Variants in DRC9 observed in about 807,000 individuals in gnomAD.
The protein encoded by DRC9 is dynein regulatory complex subunit 9.
chr3:197,953,388 T>G, the DRC9 span: 1 of 455,730 alleles, frequency 2.2e-6, no homozygotes, highest in East Asian at 6.9e-5. Context: ...AAAGGAAATA[T>G]ATATAAAGTC....
At chr3:197,955,735 CTT>C in the DRC9 span, 1 of 1,597,354 alleles carries the variant, frequency 6.3e-7, no homozygotes, top group South Asian at 1.1e-5. Context: ...GTTTTGTGTT[CTT>C]TTTTCCCTGC....
the DRC9 span, chr3:197,891,401 C>A: frequency 1.0e-6 from 1 of 990,986 alleles, no homozygotes; most frequent in South Asian, 1.3e-5. Context: ...TTGTGTTCCT[C>A]AGTGTTAAGC....
chr3:197,896,113 C>T, the DRC9 span, among the ~76,000 whole-genome samples: 1 of 150,062 alleles, frequency 6.7e-6, no homozygotes, highest in Non-Finnish European at 1.5e-5. Flanking sequence ...GAGGCCAAGG[C>T]GGGCAGATCA....
chr3:197,955,715 T>TTA, the DRC9 span: 1 of 1,559,800 alleles, frequency 6.4e-7, no homozygotes, highest in East Asian at 2.2e-5. Flanking sequence ...ATATATAACA[T>TTA]TCACCTAATG....
the DRC9 span, among the ~76,000 whole-genome samples, chr3:197,934,237 T>G: frequency 1.5e-5 from 2 of 137,142 alleles, no homozygotes; most frequent in Non-Finnish European, 3.0e-5. Flanking sequence ...CAGGCTGGAG[T>G]GCAGTGGCAC....
chr3:197,912,518 T>C, the DRC9 span: 3 of 637,174 alleles, frequency 4.7e-6, no homozygotes, highest in Admixed American at 2.6e-5. Context: ...ATATAAGATA[T>C]CTATTCAGAT....
At chr3:197,915,178 A>G in the DRC9 span, among the ~76,000 whole-genome samples, 8 of 149,332 alleles carry the variant, frequency 5.4e-5, no homozygotes, top group South Asian at 6.3e-4. Context: ...AAAAAAAAAA[A>G]AAAGAAAAGA....
At chr3:197,957,313 C>A in the DRC9 span, 2 of 152,268 alleles carry the variant, frequency 1.3e-5, no homozygotes, top group Non-Finnish European at 2.9e-5. Flanking sequence ...CCCAGAGGTC[C>A]CTCTGTCACA....
chr3:197,944,943 C>T, the DRC9 span, among the ~76,000 whole-genome samples: 1 of 152,126 alleles, frequency 6.6e-6, no homozygotes, highest in Non-Finnish European at 1.5e-5. Flanking sequence ...TGAATTTGAG[C>T]CAAAATTAAC....
chr3:197,936,245 T>C, the DRC9 span, among the ~76,000 whole-genome samples: 4 of 152,208 alleles, frequency 2.6e-5, no homozygotes, highest in Non-Finnish European at 4.4e-5. Context: ...TAATTATTAA[T>C]TCAATGCAAT....
the DRC9 span, among the ~76,000 whole-genome samples, chr3:197,954,687 A>G: frequency 6.6e-6 from 1 of 151,870 alleles, no homozygotes; most frequent in African/African-American, 2.4e-5. Flanking sequence ...AATTTTTTGT[A>G]TTTTTGTATT....
At chr3:197,959,933 T>C in the DRC9 span, 1 of 480,082 alleles carries the variant, frequency 2.1e-6, no homozygotes, top group South Asian at 2.9e-5. Flanking sequence ...CATGTCACTT[T>C]GGTAAATGAA....
the DRC9 span, among the ~76,000 whole-genome samples, chr3:197,904,413 C>T: frequency 6.6e-6 from 1 of 152,012 alleles, no homozygotes. Context: ...AAAAATAGAG[C>T]TACCATATGA....
chr3:197,951,554 T>G, the DRC9 span: 1 of 477,194 alleles, frequency 2.1e-6, no homozygotes, highest in Admixed American at 3.3e-5. Flanking sequence ...GGTATTGCCA[T>G]GTTGGCCAGG....
chr3:197,913,628 C>G, the DRC9 span: 1 of 589,800 alleles, frequency 1.7e-6, no homozygotes, highest in African/African-American at 1.9e-5. Context: ...TAAGAAGTGA[C>G]CAAGGAGAGA....
At chr3:197,912,526 G>T in the DRC9 span, 1 of 669,646 alleles carries the variant, frequency 1.5e-6, no homozygotes, top group Non-Finnish European at 2.7e-6. Flanking sequence ...TATCTATTCA[G>T]ATGCATAACC....
chr3:197,943,922 G>T, the DRC9 span: 22 of 1,614,134 alleles, frequency 1.4e-5, 1 homozygote, highest in Admixed American at 3.5e-4. Context: ...GGATTTCTGG[G>T]ATGATTTCTA....
chr3:197,913,989 T>A, the DRC9 span: 2 of 1,614,090 alleles, frequency 1.2e-6, no homozygotes, highest in Admixed American at 3.3e-5. Context: ...AGTTGGATTT[T>A]GCCTTCATCT....
chr3:197,953,820 A>C, the DRC9 span: 1 of 655,150 alleles, frequency 1.5e-6, no homozygotes, highest in South Asian at 1.8e-5. Context: ...ATTTTACAGA[A>C]GGGCCTGGCA....
Sources: allele counts gnomAD v4.1 joint callset (sites outside exome capture counted in the v4.1 genomes callset), GRCh38; gene constraint gnomAD v4.1.1; transcripts MANE v1.5; gene names NCBI Gene and HGNC (gene_info 2026-07-23, HGNC 2026-07-21).